Variants in CPVL observed in about 807,000 individuals in gnomAD.
CPVL encodes probable serine carboxypeptidase CPVL.
Under a neutral mutation model 63.7 loss-of-function variants are expected in CPVL, and 51 were observed. The ratio of observed to expected loss-of-function variants is 0.80; its 90% CI spans 0.64 to 1.01. The LOEUF (loss-of-function observed/expected upper bound fraction) is 1.01. CPVL is among the 50% of genes least tolerant of loss of function. The probability of loss-of-function intolerance (pLI) is 0.00; values close to 1 mark genes in which losing one functional copy is unlikely to be tolerated. For missense variants in CPVL, 530 were observed against 573.1 expected (o/e 0.92, Z 0.77); for synonymous variants, 195 against 206.0 (o/e 0.95, Z 0.46).
chr7:29,024,990 A>G (rs1035527436), intron 12 of CPVL, among the ~76,000 whole-genome samples: 1 of 152,240 alleles, frequency 6.6e-6, no homozygotes, highest in African/African-American at 2.4e-5. Context: ...ATAAGCAATA[A>G]AAGAGGAAGA....
At chr7:29,021,265 T>C (rs1173358968) in intron 12 of CPVL, among the ~76,000 whole-genome samples, 1 of 151,920 alleles carries the variant, frequency 6.6e-6, no homozygotes, top group Non-Finnish European at 1.5e-5. Flanking sequence ...CTATGAAAAC[T>C]GACACATGAA....
chr7:29,096,660 C>G (rs1275979483), intron 3 of CPVL, among the ~76,000 whole-genome samples: 27 of 152,124 alleles, frequency 1.8e-4, no homozygotes, highest in Admixed American at 1.8e-3. Flanking sequence ...GCACTGAGAG[C>G]CCAAACGCCT....
At chr7:29,099,649 T>C (rs998566273) in intron 3 of CPVL, among the ~76,000 whole-genome samples, 4 of 152,102 alleles carry the variant, frequency 2.6e-5, no homozygotes, top group South Asian at 2.1e-4. Context: ...GAGGCAGAGG[T>C]TGCAGTGAGC....
chr7:29,089,837 T>C (rs1785588646), intron 6 of CPVL, among the ~76,000 whole-genome samples: 1 of 151,916 alleles, frequency 6.6e-6, no homozygotes, highest in African/African-American at 2.4e-5. Flanking sequence ...TATTTTCTTC[T>C]ACCTCCATCT....
chr7:29,147,075 A>G, upstream of CPVL: 2 of 1,411,432 alleles, frequency 1.4e-6, no homozygotes, highest in Admixed American at 4.4e-5. Context: ...CAATTGGGGG[A>G]CACAAACTAA....
At chr7:29,173,321 G>A (rs1350624176) in intron 5 of CPVL, among the ~76,000 whole-genome samples, 1 of 151,962 alleles carries the variant, frequency 6.6e-6, no homozygotes, top group Non-Finnish European at 1.5e-5. Flanking sequence ...CTCGAGTGGG[G>A]GCCTAACTTT....
chr7:29,143,727 A>C (rs990280727), intron 1 of CPVL, among the ~76,000 whole-genome samples: 1 of 152,214 alleles, frequency 6.6e-6, no homozygotes, highest in Non-Finnish European at 1.5e-5. Context: ...GTAGGAGGTA[A>C]GTTCCAACTA....
intron 12 of CPVL, among the ~76,000 whole-genome samples, chr7:29,020,036 G>A (rs989134390): frequency 1.6e-4 from 24 of 152,228 alleles, no homozygotes; most frequent in Admixed American, 5.9e-4. Context: ...TGTGATATTT[G>A]CCACCAGTTT....
At chr7:29,180,450 C>T (rs968739149) in intron 5 of CPVL, among the ~76,000 whole-genome samples, 10 of 151,886 alleles carry the variant, frequency 6.6e-5, no homozygotes, top group African/African-American at 2.4e-4. Flanking sequence ...TCACTTGAAC[C>T]TAGGAGGCGG....
intron 5 of CPVL, among the ~76,000 whole-genome samples, chr7:29,166,245 G>A (rs1184599351): frequency 6.6e-6 from 1 of 152,060 alleles, no homozygotes; most frequent in East Asian, 1.9e-4. Context: ...TGTTGACCAG[G>A]CTAGTCTCAA....
At chr7:29,083,509 G>T (rs181446909) in intron 7 of CPVL, among the ~76,000 whole-genome samples, 3 of 152,334 alleles carry the variant, frequency 2.0e-5, no homozygotes, top group Admixed American at 2.0e-4. Flanking sequence ...GAATCTGGAG[G>T]GCTGGAATTA....
At chr7:29,138,103 G>C (rs1380904176) in intron 1 of CPVL, among the ~76,000 whole-genome samples, 3 of 152,168 alleles carry the variant, frequency 2.0e-5, no homozygotes, top group African/African-American at 7.2e-5. Context: ...ACTAGGGCTG[G>C]AAACTAGTAA....
At position 29,165,120 on chromosome 7, in the gene CPVL, A is replaced by G. The variant is rs184447704; in HGVS notation, c.-11+16170T>C. ...CTGCTGATTTTTTTATTGGCATTGC[A>G]TTTAATCTAAAGATCAATGTGGGGA... On this transcript the variant is annotated intron_variant, in intron 5 of 16. Coordinates refer to the CPVL transcript ENST00000409850. Among the ~76,000 whole-genome samples, 513 of 152,288 alleles carry G rather than the reference A, an allele frequency of 3.4e-3. 4 individuals are homozygous for G. Among genetic ancestry groups the G allele is most frequent in the African/African-American group, 0.012 (485 of 41,580 alleles).
At chr7:29,021,840 T>C (rs1787014444) in intron 12 of CPVL, among the ~76,000 whole-genome samples, 1 of 151,908 alleles carries the variant, frequency 6.6e-6, no homozygotes, top group East Asian at 2.0e-4. Flanking sequence ...CAATACCCAC[T>C]ACATATCTAC....
intron 5 of CPVL, among the ~76,000 whole-genome samples, chr7:29,174,291 G>A (rs563902589): frequency 1.1e-4 from 16 of 152,182 alleles, no homozygotes; most frequent in African/African-American, 1.7e-4. Flanking sequence ...CAGCAATCCC[G>A]TCTTTCCATA....
At chr7:29,194,475 T>TGTCC (rs1222448687) in intron 1 of CPVL, 1 of 157,362 alleles carries the variant, frequency 6.4e-6, no homozygotes, top group Admixed American at 6.5e-5. Flanking sequence ...TCGCTCTGTC[T>TGTCC]GTCCGTCTCC....
chr7:29,178,385 C>T (rs374668520), intron 5 of CPVL, among the ~76,000 whole-genome samples: 2 of 152,108 alleles, frequency 1.3e-5, no homozygotes, highest in Non-Finnish European at 2.9e-5. Flanking sequence ...TCTTCCTCTG[C>T]GTGCGGTTTC....
At chr7:29,132,580 G>C (rs556738057) in intron 1 of CPVL, among the ~76,000 whole-genome samples, 12 of 152,222 alleles carry the variant, frequency 7.9e-5, no homozygotes, top group African/African-American at 2.2e-4. Context: ...GAGGATTGCT[G>C]GGCAAGTCTG....
intron 5 of CPVL, among the ~76,000 whole-genome samples, chr7:29,168,414 A>T (rs935199483): frequency 1.3e-5 from 2 of 152,226 alleles, no homozygotes; most frequent in Non-Finnish European, 2.9e-5. Context: ...ACAAAATAGA[A>T]TATTCTAATA....
Sources: gnomAD v4.1 joint callset for allele counts (sites outside exome capture counted in the v4.1 genomes callset) on GRCh38, gnomAD v4.1.1 for gene constraint, MANE v1.5 for transcripts, NCBI Gene and HGNC (gene_info 2026-07-23, HGNC 2026-07-21) for gene names.